DENND2B: variants seen among roughly 807,000 people sequenced by gnomAD.
DENND2B encodes DENN domain containing 2B.
A neutral mutation model predicts 116.0 loss-of-function variants in DENND2B; 32 were observed. That is an observed-to-expected ratio of 0.28 (90% CI 0.21 to 0.37). DENND2B has a LOEUF of 0.37. DENND2B is among the 10% of genes least tolerant of loss of function. The pLI is 1.00. For missense variants in DENND2B, 1,276 were observed against 1,477.7 expected, an observed-to-expected ratio of 0.86 and a Z score of 2.24; for synonymous variants, 588 against 583.9, an observed-to-expected ratio of 1.01 and a Z score of -0.10.
intron 3 of DENND2B, among the ~76,000 whole-genome samples, chr11:8,728,306 A>AT (rs575317079): frequency 1.9e-4 from 29 of 152,082 alleles, no homozygotes; most frequent in East Asian, 9.7e-4. Context: ...CCTGGACTGC[A>AT]TTTTTTTTAA....
rs2060046210 is a variant in DENND2B at position 8,798,738 on chromosome 11, G to A, written c.-26+11779C>T. Among the ~76,000 whole-genome samples the A allele has an allele frequency of 1.3e-5, 2 of 151,960 alleles. 1 individual carries two copies. The highest frequency in any genetic ancestry group is 4.2e-4 in the South Asian group (2 of 4,812). On this transcript the variant is annotated intron_variant, in intron 1 of 19. Coordinates refer to ENST00000313726, the MANE Select transcript of DENND2B (RefSeq NM_213618.2). ...ACCTGGGTTTACCAAACAGTTGTGG[G>A]TCCTGCAACTGGAGGGGGTAGGAAA...
intron 1 of DENND2B, among the ~76,000 whole-genome samples, chr11:8,789,400 A>G (rs1019820131): frequency 2.0e-5 from 3 of 152,230 alleles, no homozygotes; most frequent in Non-Finnish European, 4.4e-5. Flanking sequence ...GCCAAAGGTC[A>G]CACACAGATT....
intron 2 of DENND2B, among the ~76,000 whole-genome samples, chr11:8,734,528 C>T (rs1453854273): frequency 6.6e-6 from 1 of 152,138 alleles, no homozygotes; most frequent in Non-Finnish European, 1.5e-5. Context: ...TGGCTCACGC[C>T]TGTAATCCCG....
chr11:8,813,593 GTAA>G (rs1338414279), upstream of DENND2B, among the ~76,000 whole-genome samples: 3 of 152,140 alleles, frequency 2.0e-5, no homozygotes, highest in Non-Finnish European at 4.4e-5. Flanking sequence ...TAATACAGTA[GTAA>G]CATCAGTTAA....
At position 8,714,655 on chromosome 11, in the gene DENND2B, A is replaced by T. The variant is rs773074334; in HGVS notation, c.1897T>A (p.Leu633Ile). The T allele has an allele frequency of 1.9e-6, 3 of 1,614,134 alleles. No individual in the cohort carries two copies. The highest frequency in any genetic ancestry group is 2.5e-6 in the Non-Finnish European group (3 of 1,180,024). Reference protein sequence around the residue: ...IYNAKRGKKRLKKLSMSSIET... With the variant: ...IYNAKRGKKRIKKLSMSSIET... ...ATGCTGGACATAGACAACTTTTTTAATCTCTTCTTTCCTCTCTTGGCATTG... is the reference window on the plus strand; with the variant it reads ...ATGCTGGACATAGACAACTTTTTTATTCTCTTCTTTCCTCTCTTGGCATTG... The change falls in exon 7 of 20, where the codon TTA becomes ATA. Residue 633 changes from leucine to isoleucine, a missense_variant. By Grantham distance (5) the Leu-to-Ile change is conservative (BLOSUM62 2). Coordinates refer to ENST00000313726, the MANE Select transcript of DENND2B (RefSeq NM_213618.2).
intron 1 of DENND2B, among the ~76,000 whole-genome samples, chr11:8,883,441 CTT>C (rs1309080968): frequency 6.6e-6 from 1 of 152,128 alleles, no homozygotes; most frequent in East Asian, 1.9e-4. Context: ...TCATTAGGGG[CTT>C]TTTGTTTTCT....
chr11:8,894,811 C>T (rs1167425434), intron 1 of DENND2B, among the ~76,000 whole-genome samples: 1 of 152,128 alleles, frequency 6.6e-6, no homozygotes, highest in Non-Finnish European at 1.5e-5. Flanking sequence ...GGACTGTAAA[C>T]TAGTTCAAAC....
In DENND2B at chr11:8,758,844, T is replaced by C. The variant is rs563629191; in HGVS notation, c.-25-8119A>G. On this transcript the variant is annotated intron_variant, in intron 1 of 19. Transcript: ENST00000313726. ...AACCAGCAGGTAAGTGTCGCAGCTC[T>C]CTAGCCTGCATCCCAGCAGGAAGGG... Among the ~76,000 whole-genome samples the C allele has an allele frequency of 7.2e-5, 11 of 152,262 alleles. 1 individual carries two copies. The highest frequency in any genetic ancestry group is 2.6e-4 in the African/African-American group (11 of 41,548).
intron 3 of DENND2B, among the ~76,000 whole-genome samples, chr11:8,854,393 G>T (rs956907203): frequency 6.6e-6 from 1 of 151,838 alleles, no homozygotes; most frequent in Non-Finnish European, 1.5e-5. Flanking sequence ...CTAGAGACAG[G>T]GTTTCACCAT....
At chr11:8,867,957 G>A (rs1348715969) in intron 2 of DENND2B, among the ~76,000 whole-genome samples, 3 of 152,128 alleles carry the variant, frequency 2.0e-5, no homozygotes, top group South Asian at 2.1e-4. Context: ...TGTTTAGGGC[G>A]AGGAAAAGCT....
chr11:8,778,948 C>T (rs925638982), intron 1 of DENND2B, among the ~76,000 whole-genome samples: 2 of 152,268 alleles, frequency 1.3e-5, no homozygotes, highest in Non-Finnish European at 2.9e-5. Flanking sequence ...TTCAGTTTTT[C>T]TGCTACTGAT....
rs766868351 is a variant in DENND2B, at chr11:8,715,837, C to T, written c.1630-19G>A. 4.9e-5 allele frequency: 77 copies of T among 1,579,514 alleles called. No individual in the cohort carries two copies. Among genetic ancestry groups the T allele is most frequent in the Middle Eastern group, 2.0e-4 (1 of 5,078 alleles). The stretch of plus-strand genomic sequence containing the variant: ...GGGAAAGCTGGCGTGGGGGAGAGGA[C>T]GTGCGAGAGGGGCTTGCCACAGAGG... On this transcript the variant is annotated intron_variant, in intron 5 of 19. Coordinates refer to ENST00000313726, the MANE Select transcript of DENND2B (RefSeq NM_213618.2).
At chr11:8,796,764 T>C (rs1221592249) in intron 1 of DENND2B, among the ~76,000 whole-genome samples, 3 of 152,196 alleles carry the variant, frequency 2.0e-5, no homozygotes, top group African/African-American at 4.8e-5. Context: ...ATAGGGGGAA[T>C]TGCAATCTAA....
rs76306920 is a variant in DENND2B at position 8,819,465 on chromosome 11, T to A, written c.-114-8130A>T. ...CCTCAAAGTATCTCTCCCAGAGTAT[T>A]TATTAATTACAAAGGTAGAAATAAC... On this transcript the variant is annotated intron_variant, in intron 4 of 6. Transcript: ENST00000524757. Among the ~76,000 whole-genome samples the A allele has an allele frequency of 5.2e-3, 791 of 152,244 alleles. 10 individuals are homozygous for A. The highest frequency in any genetic ancestry group is 0.018 in the African/African-American group (759 of 41,540).
intron 1 of DENND2B, among the ~76,000 whole-genome samples, chr11:8,759,549 G>A (rs1220099897): frequency 2.0e-5 from 3 of 152,172 alleles, no homozygotes; most frequent in African/African-American, 4.8e-5. Context: ...TTCTGCTCAC[G>A]TGGAAGTCAA....
intron 18 of DENND2B, 152 bp from the exon 19 acceptor site, chr11:8,695,701 GGGCTGGCT>G (rs1271065063): frequency 1.5e-6 from 1 of 679,086 alleles, no homozygotes; most frequent in Non-Finnish European, 2.5e-6. Flanking sequence ...ACTAGAATTC[GGGCTGGCT>G]CATCAAGGCG....
chr11:8,837,481 G>A (rs1188077684), intron 4 of DENND2B, among the ~76,000 whole-genome samples: 2 of 152,122 alleles, frequency 1.3e-5, no homozygotes, highest in Admixed American at 6.5e-5. Context: ...CTGAGTAGCT[G>A]GGAATACAGG....
At chr11:8,886,406 T>TA (rs1191830822) in intron 1 of DENND2B, among the ~76,000 whole-genome samples, 3 of 152,038 alleles carry the variant, frequency 2.0e-5, no homozygotes, top group Non-Finnish European at 2.9e-5. Flanking sequence ...TTCTAAAATG[T>TA]AAAAAAGTTA....
At chr11:8,774,536 A>G (rs1294762945) in intron 1 of DENND2B, among the ~76,000 whole-genome samples, 1 of 152,092 alleles carries the variant, frequency 6.6e-6, no homozygotes, top group African/African-American at 2.4e-5. Flanking sequence ...GCCACAGAAG[A>G]TTCTTCCCCT....
Sources: gnomAD v4.1 joint callset for allele counts (sites outside exome capture counted in the v4.1 genomes callset) on GRCh38, gnomAD v4.1.1 for gene constraint, MANE v1.5 for transcripts, NCBI Gene and HGNC (gene_info 2026-07-23, HGNC 2026-07-21) for gene names.